FHOD3: variants seen among roughly 807,000 people sequenced by gnomAD.
FHOD3 encodes the protein FH1/FH2 domain-containing protein 3.
In FHOD3, 90 loss-of-function variants were observed where a neutral mutation model predicts 173.0. That is an observed-to-expected ratio of 0.52 (90% confidence interval 0.44 to 0.62). The LOEUF is 0.62. Ranked by LOEUF, FHOD3 falls within the 20% of genes least tolerant of loss-of-function variation. The pLI is 0.00. For missense variants in FHOD3, 1,945 were observed against 2,034.7 expected, an observed-to-expected ratio of 0.96 and a Z score of 0.85; for synonymous variants, 828 against 823.0, an observed-to-expected ratio of 1.01 and a Z score of -0.10.
At chr18:36,461,727 A>C (rs1249091371) in intron 3 of FHOD3, among the ~76,000 whole-genome samples, 1 of 152,132 alleles carries the variant, frequency 6.6e-6, no homozygotes, top group African/African-American at 2.4e-5. Flanking sequence ...CTTACCAATA[A>C]ATTCTTGGAA....
At chr18:36,707,273 AG>A (rs151173048) in intron 17 of FHOD3, among the ~76,000 whole-genome samples, 68 of 152,250 alleles carry the variant, frequency 4.5e-4, no homozygotes, top group Middle Eastern at 3.4e-3. Flanking sequence ...CCTCAGCTGC[AG>A]GGGGGTCTTT....
intron 1 of FHOD3, among the ~76,000 whole-genome samples, chr18:36,338,327 G>C (rs1221279975): frequency 6.6e-6 from 1 of 152,170 alleles, no homozygotes; most frequent in South Asian, 2.1e-4. Flanking sequence ...GCTCAGCTCA[G>C]CCTCCCTGGG....
intron 3 of FHOD3, among the ~76,000 whole-genome samples, chr18:36,455,723 G>A (rs372726271): frequency 2.0e-5 from 3 of 152,210 alleles, no homozygotes; most frequent in East Asian, 3.9e-4. Context: ...TGAGTTAACC[G>A]TCATTGGAGC....
intron 3 of FHOD3, among the ~76,000 whole-genome samples, chr18:36,464,401 C>T (rs565722107): frequency 2.2e-4 from 33 of 152,212 alleles, no homozygotes; most frequent in Admixed American, 6.5e-4. Context: ...CGGGGCAGAC[C>T]TCTGGATACT....
chr18:36,361,316 A>T (rs545672727), intron 2 of FHOD3, among the ~76,000 whole-genome samples: 42 of 152,256 alleles, frequency 2.8e-4, no homozygotes, highest in African/African-American at 9.6e-4. Flanking sequence ...CACCAGTTCC[A>T]GGTGCCAGAA....
intron 3 of FHOD3, among the ~76,000 whole-genome samples, chr18:36,445,032 T>G (rs2051386911): frequency 6.6e-6 from 1 of 152,144 alleles, no homozygotes; most frequent in Non-Finnish European, 1.5e-5. Flanking sequence ...TCCAAAAGAT[T>G]GTAGTAAGGT....
chr18:36,415,823 T>G (rs1045648395), intron 3 of FHOD3, among the ~76,000 whole-genome samples: 1 of 152,170 alleles, frequency 6.6e-6, no homozygotes, highest in Non-Finnish European at 1.5e-5. Context: ...GACTACATAA[T>G]AAGGGTGGCA....
intron 1 of FHOD3, among the ~76,000 whole-genome samples, chr18:36,350,263 T>G (rs1466461089): frequency 6.6e-6 from 1 of 152,180 alleles, no homozygotes; most frequent in Non-Finnish European, 1.5e-5. Flanking sequence ...AGAAGGACAC[T>G]TACTGTGGAT....
intron 3 of FHOD3, among the ~76,000 whole-genome samples, chr18:36,379,702 TAGGGA>T (rs2047637936): frequency 6.6e-6 from 1 of 152,212 alleles, no homozygotes; most frequent in Non-Finnish European, 1.5e-5. Context: ...CAACTTCTGA[TAGGGA>T]AACCACCCTG....
chr18:36,773,700 C>T (rs1408322700), intron 28 of FHOD3, among the ~76,000 whole-genome samples: 4 of 152,132 alleles, frequency 2.6e-5, no homozygotes, highest in South Asian at 2.1e-4. Context: ...GATGGGAATT[C>T]GTTGCTGCCT....
chr18:36,608,248 G>A (rs1440294533), intron 8 of FHOD3, among the ~76,000 whole-genome samples: 1 of 152,234 alleles, frequency 6.6e-6, no homozygotes, highest in Non-Finnish European at 1.5e-5. Flanking sequence ...TTGAGGCTGG[G>A]AGTCCAATAT....
chr18:36,434,603 A>T (rs2050718821), intron 3 of FHOD3, among the ~76,000 whole-genome samples: 2 of 151,956 alleles, frequency 1.3e-5, no homozygotes, highest in South Asian at 4.1e-4. Context: ...AAAATCTGGG[A>T]TTTTTATTGG....
intron 10 of FHOD3, among the ~76,000 whole-genome samples, chr18:36,648,919 G>C (rs2035861539): frequency 6.6e-6 from 1 of 152,222 alleles, no homozygotes; most frequent in Non-Finnish European, 1.5e-5. Flanking sequence ...TGCTGCAGCA[G>C]CTGGTCATCA....
In FHOD3 at chr18:36,718,270, G is replaced by A. The variant is rs374060543; in HGVS notation, c.2972G>A (p.Arg991Lys). ...DQLMANPRELRIQDMDFTDLG... is the reference protein window; with the variant it reads ...DQLMANPRELKIQDMDFTDLG... ...CTCATGGCCAATCCAAGAGAGCTCA[G>A]AATCCAAGACATGGATTTCACTGAC... is the stretch of plus-strand genomic sequence containing the variant. Residue 991 changes from arginine (R) to lysine (K), a missense_variant, in exon 19 of 29, where the codon AGA becomes AAA. By Grantham distance (26) the Arg-to-Lys change is conservative (BLOSUM62 2). Transcript: ENST00000590592. The A allele has an allele frequency of 3.7e-6, 6 of 1,614,060 alleles. No individual in the cohort carries two copies. Among genetic ancestry groups the A allele is most frequent in the Middle Eastern group, 1.6e-4 (1 of 6,084 alleles).
chr18:36,549,273 T>TTC (rs1229710788), intron 5 of FHOD3, among the ~76,000 whole-genome samples: 9 of 152,214 alleles, frequency 5.9e-5, no homozygotes, highest in Admixed American at 1.3e-4. Flanking sequence ...TAATTGGGCT[T>TTC]TCTGTTTCTT....
In FHOD3 at chr18:36,652,783, C is replaced by T. The variant is rs960913225; in HGVS notation, c.1500C>T (p.Ser500=). The T allele has an allele frequency of 2.1e-5, 33 of 1,536,008 alleles. No individual in the cohort carries two copies. In the Admixed American group the frequency reaches 2.5e-4, roughly 12 times the overall value. The stretch of plus-strand genomic sequence containing the variant: ...CTGCCTCAGCTGCTCGGCCCTCCTC[C>T]GCCACACCAGGCTCCCTGAAGGTGT... ...SPPASAARPS[S]ATPGSLKVSP... Residue 500 remains serine (S), a synonymous_variant, in exon 12 of 29, where the codon TCC becomes TCT. Coordinates refer to ENST00000590592, the MANE Select transcript of FHOD3 (RefSeq NM_001281740.3).
chr18:36,440,699 GA>G (rs1028854855), intron 3 of FHOD3, among the ~76,000 whole-genome samples: 1 of 152,206 alleles, frequency 6.6e-6, no homozygotes, highest in African/African-American at 2.4e-5. Flanking sequence ...CTTTATGGTA[GA>G]AAAAACCCAA....
intron 3 of FHOD3, among the ~76,000 whole-genome samples, chr18:36,452,532 C>A (rs1391471284): frequency 6.6e-6 from 1 of 152,142 alleles, no homozygotes; most frequent in Non-Finnish European, 1.5e-5. Flanking sequence ...CATAGTACAG[C>A]AGATCTTTAG....
At chr18:36,299,324 T>C (rs2091895913) in intron 1 of FHOD3, among the ~76,000 whole-genome samples, 1 of 152,248 alleles carries the variant, frequency 6.6e-6, no homozygotes, top group Non-Finnish European at 1.5e-5. Flanking sequence ...CAGAGGGTCG[T>C]CATCATCCAG....
Sources: allele counts gnomAD v4.1 joint callset (sites outside exome capture counted in the v4.1 genomes callset), GRCh38; gene constraint gnomAD v4.1.1; transcripts MANE v1.5; gene names NCBI Gene and HGNC (gene_info 2026-07-23, HGNC 2026-07-21).